SHTN1: variants seen among roughly 807,000 people sequenced by gnomAD.
SHTN1 encodes the protein shootin-1.
In SHTN1, 42 loss-of-function variants were observed where a neutral mutation model predicts 83.1. The ratio of observed to expected loss-of-function variants is 0.51; its 90% CI spans 0.39 to 0.65. SHTN1 has a LOEUF of 0.65. SHTN1 is among the 30% of genes least tolerant of loss of function. The pLI is 0.00. For missense variants in SHTN1, 622 were observed against 737.8 expected (o/e 0.84, Z 1.82); for synonymous variants, 224 against 247.7 (o/e 0.90, Z 0.90).
At chr10:116,999,754 A>G (rs1421809454) in intron 1 of SHTN1, among the ~76,000 whole-genome samples, 1 of 152,144 alleles carries the variant, frequency 6.6e-6, no homozygotes, top group Non-Finnish European at 1.5e-5. Flanking sequence ...CTCTACTAAA[A>G]ATACAAAAAT....
At chr10:117,023,581 G>GCAGA (rs1852291417) in intron 2 of SHTN1, 1 of 152,556 alleles carries the variant, frequency 6.6e-6, no homozygotes, top group African/African-American at 2.4e-5. Flanking sequence ...TTAGAACAAG[G>GCAGA]CAGAATACAC....
At chr10:117,063,571 G>C (rs559288658) in intron 1 of SHTN1, among the ~76,000 whole-genome samples, 1 of 152,218 alleles carries the variant, frequency 6.6e-6, no homozygotes, top group East Asian at 1.9e-4. Context: ...AGAGATTTCT[G>C]TTTTCCTTAT....
chr10:117,004,957 C>G, intron 1 of SHTN1, 65 bp downstream of exon 1: 1 of 1,456,410 alleles, frequency 6.9e-7, no homozygotes, highest in Non-Finnish European at 9.4e-7. Context: ...CTGGCCCCAG[C>G]GCCCTGGGGC....
intron 1 of SHTN1, among the ~76,000 whole-genome samples, chr10:117,090,403 G>T (rs1001454153): frequency 2.3e-4 from 35 of 152,150 alleles, no homozygotes; most frequent in African/African-American, 8.4e-4. Context: ...GGGGCCAGGG[G>T]ACAGAAGGCT....
At chr10:117,087,818 C>T (rs1394387433) in intron 1 of SHTN1, among the ~76,000 whole-genome samples, 1 of 152,070 alleles carries the variant, frequency 6.6e-6, no homozygotes, top group East Asian at 1.9e-4. Flanking sequence ...AGATTAGCAT[C>T]CTAAATATAC....
chr10:117,012,266 T>C (rs1241324335), intron 2 of SHTN1, among the ~76,000 whole-genome samples: 1 of 151,674 alleles, frequency 6.6e-6, no homozygotes, highest in Non-Finnish European at 1.5e-5. Flanking sequence ...AAATGTATTA[T>C]GGAAAGGCAA....
intron 1 of SHTN1, among the ~76,000 whole-genome samples, chr10:117,123,164 A>T (rs1387133789): frequency 6.6e-6 from 1 of 152,110 alleles, no homozygotes; most frequent in African/African-American, 2.4e-5. Flanking sequence ...CACCAAGCCC[A>T]GCTCATTTTA....
At chr10:117,073,281 G>A (rs1390616631) in intron 1 of SHTN1, among the ~76,000 whole-genome samples, 3 of 152,218 alleles carry the variant, frequency 2.0e-5, no homozygotes, top group Non-Finnish European at 2.9e-5. Context: ...GTAGGGAAGA[G>A]TAGATGTCCA....
intron 9 of SHTN1, among the ~76,000 whole-genome samples, chr10:116,934,801 G>A (rs1287340587): frequency 6.6e-6 from 1 of 152,152 alleles, no homozygotes; most frequent in East Asian, 1.9e-4. Context: ...CTATCCATGA[G>A]TATGGAATGT....
chr10:117,049,193 T>C (rs575971121), intron 1 of SHTN1, among the ~76,000 whole-genome samples: 14 of 152,284 alleles, frequency 9.2e-5, no homozygotes, highest in Middle Eastern at 3.4e-3. Context: ...AGGTCAGGGA[T>C]GATCTTCAAA....
At chr10:116,896,255 A>G (rs1388977003) in intron 16 of SHTN1, among the ~76,000 whole-genome samples, 2 of 152,240 alleles carry the variant, frequency 1.3e-5, no homozygotes, top group Non-Finnish European at 2.9e-5. Flanking sequence ...TGTTTCAGGT[A>G]TCTCACATAG....
chr10:117,075,842 T>C (rs1374900133), intron 1 of SHTN1, among the ~76,000 whole-genome samples: 1 of 152,134 alleles, frequency 6.6e-6, no homozygotes, highest in East Asian at 1.9e-4. Flanking sequence ...GTCCAGACCA[T>C]TTAAGGATTT....
At chr10:117,102,988 A>C (rs527594904) in intron 1 of SHTN1, among the ~76,000 whole-genome samples, 1 of 152,212 alleles carries the variant, frequency 6.6e-6, no homozygotes, top group Non-Finnish European at 1.5e-5. Context: ...ATTTACTGTC[A>C]TCTGCCTCCT....
intron 1 of SHTN1, among the ~76,000 whole-genome samples, chr10:117,095,150 C>G (rs1315656004): frequency 6.6e-6 from 1 of 152,216 alleles, no homozygotes; most frequent in Non-Finnish European, 1.5e-5. Flanking sequence ...TGCTGCCCCA[C>G]ACTAAAGCTT....
chr10:117,095,572 A>AT (rs1853492081), intron 1 of SHTN1, among the ~76,000 whole-genome samples: 1 of 152,200 alleles, frequency 6.6e-6, no homozygotes, highest in South Asian at 2.1e-4. Context: ...TTTTAAAAAC[A>AT]TTTTCCATTC....
At chr10:117,021,287 C>T (rs1193417828) in intron 2 of SHTN1, among the ~76,000 whole-genome samples, 1 of 152,098 alleles carries the variant, frequency 6.6e-6, no homozygotes, top group Non-Finnish European at 1.5e-5. Context: ...TCCCTCCCTT[C>T]TTTCCCTACT....
intron 7 of SHTN1, among the ~76,000 whole-genome samples, chr10:116,947,858 C>A (rs1849646420): frequency 6.6e-6 from 1 of 152,168 alleles, no homozygotes; most frequent in African/African-American, 2.4e-5. Context: ...AAATTCTACA[C>A]CATTTCTATC....
intron 1 of SHTN1, among the ~76,000 whole-genome samples, chr10:117,004,198 G>A (rs1030869499): frequency 4.6e-5 from 7 of 152,132 alleles, no homozygotes; most frequent in Admixed American, 3.3e-4. Flanking sequence ...GTTCCTCCCT[G>A]TCTTGACCCA....
chr10:116,991,661 C>T (rs746083608), intron 1 of SHTN1, among the ~76,000 whole-genome samples: 16 of 152,154 alleles, frequency 1.1e-4, no homozygotes, highest in Non-Finnish European at 2.2e-4. Flanking sequence ...CCAGGCCATT[C>T]ATGAGGGATC....
Sources: allele counts gnomAD v4.1 joint callset (sites outside exome capture counted in the v4.1 genomes callset), GRCh38; gene constraint gnomAD v4.1.1; transcripts MANE v1.5; gene names NCBI Gene and HGNC (gene_info 2026-07-23, HGNC 2026-07-21).